NCKAP5: variants seen among roughly 807,000 people sequenced by gnomAD.
The protein encoded by NCKAP5 is nck-associated protein 5.
NCKAP5 carries 92 observed loss-of-function variants against 167.0 expected under a neutral mutation model. The observed-to-expected ratio is 0.55, with a 90% confidence interval of 0.47 to 0.66. The LOEUF (loss-of-function observed/expected upper bound fraction) is 0.66, where lower values mean the gene tolerates loss of function less well. NCKAP5 is among the 30% of genes least tolerant of loss of function. The pLI is 0.00. For synonymous variants in NCKAP5, 891 were observed against 877.4 expected, an observed-to-expected ratio of 1.02 and a Z score of -0.27; for missense variants, 2,378 against 2,315.0, an observed-to-expected ratio of 1.03 and a Z score of -0.56.
chr2:133,425,979 T>G (rs896669441), intron 3 of NCKAP5, among the ~76,000 whole-genome samples: 1 of 151,938 alleles, frequency 6.6e-6, no homozygotes, highest in African/African-American at 2.4e-5. Flanking sequence ...AAACCAAGGA[T>G]AGAAAATGCA....
At chr2:133,173,644 G>C (rs967879071) in intron 5 of NCKAP5, among the ~76,000 whole-genome samples, 12 of 151,952 alleles carry the variant, frequency 7.9e-5, no homozygotes, top group Non-Finnish European at 1.6e-4. Flanking sequence ...ACTTTTCCTT[G>C]TCGTATTCAG....
intron 8 of NCKAP5, among the ~76,000 whole-genome samples, chr2:132,927,783 G>T (rs1435107799): frequency 6.6e-6 from 1 of 152,042 alleles, no homozygotes; most frequent in African/African-American, 2.4e-5. Context: ...CATCGTTAGG[G>T]TTTTCTAGGC....
intron 7 of NCKAP5, among the ~76,000 whole-genome samples, chr2:132,986,584 T>C (rs985094330): frequency 1.1e-4 from 17 of 152,170 alleles, no homozygotes; most frequent in African/African-American, 4.1e-4. Flanking sequence ...TGTGTACATA[T>C]GTTCATGAAA....
intron 9 of NCKAP5, among the ~76,000 whole-genome samples, chr2:132,871,282 A>G (rs1480996382): frequency 1.3e-5 from 2 of 152,014 alleles, no homozygotes. Context: ...TCAAAGTCAA[A>G]CTACATATCA....
chr2:132,883,399 G>A (rs1465828125), intron 8 of NCKAP5, among the ~76,000 whole-genome samples: 4 of 151,962 alleles, frequency 2.6e-5, no homozygotes, highest in Non-Finnish European at 5.9e-5. Context: ...CCCACCCTTG[G>A]TTTGGTCTCC....
At chr2:132,817,546 T>G (rs1686372676) in intron 11 of NCKAP5, among the ~76,000 whole-genome samples, 1 of 152,236 alleles carries the variant, frequency 6.6e-6, no homozygotes, top group African/African-American at 2.4e-5. Flanking sequence ...TTATTCTCCC[T>G]TAAAACTGTG....
In NCKAP5 at chr2:133,485,299, C is replaced by T. The variant is rs76848153; in HGVS notation, c.69+32159G>A. 6.8e-3 allele frequency among the ~76,000 whole-genome samples: 1,040 copies of T among 152,276 alleles called. 9 individuals carry two copies. The highest frequency in any genetic ancestry group is 0.024 in the African/African-American group (982 of 41,564). On this transcript the variant is annotated intron_variant, in intron 3 of 19. Transcript: ENST00000409261. ...AGAGTCTTTCCTCCCCCCGACAGCA[C>T]GCCTGGCCCTCTAATTCCCTAAAAT...
At chr2:133,349,804 A>G (rs1574769118) in intron 3 of NCKAP5, among the ~76,000 whole-genome samples, 1 of 152,128 alleles carries the variant, frequency 6.6e-6, no homozygotes, top group Non-Finnish European at 1.5e-5. Flanking sequence ...ATACTATTGT[A>G]CCCTCAACTC....
intron 19 of NCKAP5, among the ~76,000 whole-genome samples, chr2:132,707,573 CA>C (rs1018226900): frequency 6.6e-6 from 1 of 152,174 alleles, no homozygotes; most frequent in African/African-American, 2.4e-5. Context: ...ACCCCAGGAC[CA>C]ATGCCTTTCA....
the NCKAP5 span, among the ~76,000 whole-genome samples, chr2:133,662,373 C>T: frequency 6.6e-6 from 1 of 151,792 alleles, no homozygotes; most frequent in African/African-American, 2.4e-5. Flanking sequence ...TGGCCTTTCT[C>T]CCTAACTCTC....
intron 3 of NCKAP5, among the ~76,000 whole-genome samples, chr2:133,378,723 A>C (rs1196440202): frequency 1.3e-5 from 2 of 152,214 alleles, no homozygotes; most frequent in African/African-American, 4.8e-5. Flanking sequence ...CCAATTCAGA[A>C]CATGTTAATT....
chr2:132,974,672 T>A (rs2076926992), intron 7 of NCKAP5, among the ~76,000 whole-genome samples: 1 of 152,214 alleles, frequency 6.6e-6, no homozygotes, highest in Non-Finnish European at 1.5e-5. Context: ...CGGTAGTAAT[T>A]CTATCTGAGA....
At chr2:132,989,816 G>A (rs968379952) in intron 7 of NCKAP5, among the ~76,000 whole-genome samples, 1 of 152,090 alleles carries the variant, frequency 6.6e-6, no homozygotes, top group Non-Finnish European at 1.5e-5. Flanking sequence ...GCATTTGCGA[G>A]TTCATCCTCA....
chr2:132,777,688 T>C (rs1353933822), intron 15 of NCKAP5, among the ~76,000 whole-genome samples: 4 of 152,166 alleles, frequency 2.6e-5, no homozygotes, highest in African/African-American at 9.7e-5. Context: ...CAAAATACCA[T>C]TTAGAATAGA....
the NCKAP5 span, among the ~76,000 whole-genome samples, chr2:133,608,306 A>G: frequency 2.0e-5 from 3 of 152,188 alleles, no homozygotes; most frequent in South Asian, 6.2e-4. Context: ...CATTCTGCTT[A>G]AGTCCTGTAG....
At chr2:132,934,391 G>T (rs1696682424) in intron 8 of NCKAP5, among the ~76,000 whole-genome samples, 1 of 152,134 alleles carries the variant, frequency 6.6e-6, no homozygotes, top group Non-Finnish European at 1.5e-5. Flanking sequence ...TGGCCAGCAG[G>T]GTGAAACCCC....
the NCKAP5 span, among the ~76,000 whole-genome samples, chr2:133,606,490 T>A: frequency 6.6e-6 from 1 of 152,128 alleles, no homozygotes; most frequent in African/African-American, 2.4e-5. Context: ...AATTTTAAAA[T>A]ACCCAACGCC....
At chr2:133,589,478 G>A in the NCKAP5 span, among the ~76,000 whole-genome samples, 1 of 152,120 alleles carries the variant, frequency 6.6e-6, no homozygotes, top group African/African-American at 2.4e-5. Context: ...GAGACGTCCA[G>A]GGGGATTCTG....
intron 19 of NCKAP5, among the ~76,000 whole-genome samples, chr2:132,713,709 C>T (rs1262529389): frequency 1.2e-5 from 1 of 85,094 alleles, no homozygotes; most frequent in South Asian, 3.7e-4. Flanking sequence ...CAGAAAGGGC[C>T]AAACAAAAAA....
Sources: allele counts gnomAD v4.1 joint callset (sites outside exome capture counted in the v4.1 genomes callset), GRCh38; gene constraint gnomAD v4.1.1; transcripts MANE v1.5; gene names NCBI Gene and HGNC (gene_info 2026-07-23, HGNC 2026-07-21).